The following E2F6 variants were observed in gnomAD, a reference collection of about 807,000 sequenced individuals.
E2F6 encodes E2F transcription factor 6, also known as transcription factor E2F6.
In E2F6, 19 loss-of-function variants were observed where a neutral mutation model predicts 31.5. The observed-to-expected ratio is 0.60, with a 90% CI of 0.42 to 0.89. E2F6 has a LOEUF of 0.89. E2F6 is among the 40% of genes least tolerant of loss of function. The probability of loss-of-function intolerance (pLI) is 0.00; values close to 1 mark genes in which losing one functional copy is unlikely to be tolerated. For synonymous variants in E2F6, 121 were observed against 127.7 expected, an observed-to-expected ratio of 0.95 and a Z score of 0.36; for missense variants, 269 against 341.6, an observed-to-expected ratio of 0.79 and a Z score of 1.67.
chr2:11,464,172 TA>T (rs564569194), intron 1 of E2F6, among the ~76,000 whole-genome samples: 303 of 151,950 alleles, frequency 2.0e-3, no homozygotes, highest in African/African-American at 6.1e-3. Flanking sequence ...GTGCTTAGGA[TA>T]GGGGTCCCCA....
chr2:11,447,492 A>G, intron 6 of E2F6, 135 bp downstream of exon 6: 2 of 928,046 alleles, frequency 2.2e-6, no homozygotes, highest in South Asian at 1.6e-5. Context: ...TCTAAACTAC[A>G]GTAAGAGTTA....
At chr2:11,448,908 T>G (rs1670890020) in intron 5 of E2F6, among the ~76,000 whole-genome samples, 1 of 152,212 alleles carries the variant, frequency 6.6e-6, no homozygotes, top group Non-Finnish European at 1.5e-5. Flanking sequence ...GGATCTGACC[T>G]GAGGGCCAGT....
In E2F6 at chr2:11,446,491, C is replaced by T. The variant is rs778492314; in HGVS notation, c.832G>A (p.Glu278Lys). The T allele has an allele frequency of 6.3e-5, 101 of 1,612,700 alleles. No homozygotes were observed. Among genetic ancestry groups the T allele is most frequent in the Non-Finnish European group, 8.4e-5 (99 of 1,179,216 alleles). The part of the protein sequence containing the change: ...ENPQQSEELL[E>K]VSN ...CTCAAATGCCATCAGTTGCTTACTT[C>T]AAGCAATTCTTCACTTTGCTGAGGA... The change falls in exon 7 of 7, where the codon GAA becomes AAA. Residue 278 changes from glutamate to lysine, a missense_variant. Transcript: ENST00000381525.
chr2:11,450,266 G>T, intron 4 of E2F6, 140 bp from the exon 5 acceptor site: 40 of 344,346 alleles, frequency 1.2e-4, no homozygotes, highest in Middle Eastern at 4.8e-4. Context: ...AAGGAAAGCA[G>T]TAAAAAAAAA....
Position 11,465,794 on chromosome 2 carries a change from G to C in E2F6, c.86C>G (p.Pro29Arg). Residue 29 changes from proline (P) to arginine (R), a missense_variant, in exon 1 of 7, where the codon CCC becomes CGC. Pro to Arg is a moderately radical substitution (Grantham distance 103). Coordinates refer to ENST00000381525, the MANE Select transcript of E2F6 (RefSeq NM_198256.4). ...EETVRRRCRD[P>R]INVEGLLPSK... ...TACCAGCAGGCCCTCCACGTTGATGGGGTCTCGGCACCGACGGCGAACCGT... is the reference window on the plus strand; with the variant it reads ...TACCAGCAGGCCCTCCACGTTGATGCGGTCTCGGCACCGACGGCGAACCGT... The C allele has an allele frequency of 1.2e-6, 2 of 1,600,780 alleles. No individual in the cohort carries two copies. Among genetic ancestry groups the C allele is most frequent in the Non-Finnish European group, 1.7e-6 (2 of 1,174,606 alleles).
chr2:11,457,676 A>G (rs1328580856), intron 1 of E2F6, among the ~76,000 whole-genome samples: 1 of 152,218 alleles, frequency 6.6e-6, no homozygotes, highest in African/African-American at 2.4e-5. Flanking sequence ...TATACTGAAT[A>G]CATCAGGTAC....
chr2:11,462,721 G>A (rs1021992617), intron 1 of E2F6, among the ~76,000 whole-genome samples: 13 of 152,198 alleles, frequency 8.5e-5, no homozygotes, highest in Admixed American at 3.3e-4. Flanking sequence ...AGGGCAGGGC[G>A]CAGTGACAGC....
intron 1 of E2F6, among the ~76,000 whole-genome samples, chr2:11,465,178 C>CAAAAAAAAA (rs59561027): frequency 1.6e-4 from 14 of 88,480 alleles, no homozygotes; most frequent in Admixed American, 2.8e-4. Context: ...AACTCAATCT[C>CAAAAAAAAA]AAAAAAAAAA....
At chr2:11,451,838 C>T (rs1671089081) in intron 3 of E2F6, 32 bp from the exon 4 acceptor site, 1 of 1,587,610 alleles carries the variant, frequency 6.3e-7, no homozygotes, top group Non-Finnish European at 8.6e-7. Flanking sequence ...AGCATCAATA[C>T]CAACTAGGAG....
At position 11,450,107 on chromosome 2, in the gene E2F6, G is replaced by C. The variant is rs575902001; in HGVS notation, c.556C>G (p.Gln186Glu). 6.2e-7 allele frequency: 1 copy of C among 1,612,082 alleles called. No individual in the cohort carries two copies. The highest frequency in any genetic ancestry group is 1.3e-5 in the African/African-American group (1 of 74,964). ...ENERLAYVTY[Q>E]DIHSIQAFHE... ...AAGGCCTGAATGCTATGAATGTCTTGATAGGTCACATATGCTAGTGTAAAA... is the reference window on the plus strand; with the variant it reads ...AAGGCCTGAATGCTATGAATGTCTTCATAGGTCACATATGCTAGTGTAAAA... The change falls in exon 5 of 7, where the codon CAA becomes GAA. Residue 186 changes from glutamine (Q) to glutamate (E), a missense_variant. By Grantham distance (29) the Gln-to-Glu change is conservative. Coordinates refer to ENST00000381525, the MANE Select transcript of E2F6 (RefSeq NM_198256.4).
intron 2 of E2F6, among the ~76,000 whole-genome samples, chr2:11,454,221 C>G (rs1671252885): frequency 6.6e-6 from 1 of 152,138 alleles, no homozygotes; most frequent in South Asian, 2.1e-4. Context: ...GAATTGGCGG[C>G]TTTTTTTCCC....
chr2:11,447,007 G>T (rs1211957183), intron 6 of E2F6, among the ~76,000 whole-genome samples: 1 of 152,222 alleles, frequency 6.6e-6, no homozygotes, highest in Admixed American at 6.5e-5. Context: ...TTCGGATGTC[G>T]GTGGAGCTGT....
chr2:11,457,102 AT>A, intron 2 of E2F6, 76 bp downstream of exon 2: 1 of 1,130,676 alleles, frequency 8.8e-7, no homozygotes, highest in Non-Finnish European at 1.3e-6. Context: ...TCATCAACTC[AT>A]ACACTTAAAC....
intron 2 of E2F6, among the ~76,000 whole-genome samples, chr2:11,455,105 TGTGGGTTC>T (rs1175165157): frequency 6.6e-6 from 1 of 152,204 alleles, no homozygotes; most frequent in Non-Finnish European, 1.5e-5. Flanking sequence ...CTCTGCAGGT[TGTGGGTTC>T]TATCCATTCT....
At chr2:11,458,496 T>C (rs1671554191) in intron 1 of E2F6, 1 of 758,146 alleles carries the variant, frequency 1.3e-6, no homozygotes, top group Admixed American at 2.2e-5. Context: ...GAGGGCATGC[T>C]GGCACCACAT....
chr2:11,447,797 T>G, intron 5 of E2F6, 23 bp from the exon 6 acceptor site: 1 of 1,592,826 alleles, frequency 6.3e-7, no homozygotes, highest in Non-Finnish European at 8.5e-7. Context: ...ACAGGAATCG[T>G]CAAGATGAAT....
At chr2:11,458,295 C>T (rs530164122) in intron 1 of E2F6, 12 of 1,551,710 alleles carry the variant, frequency 7.7e-6, no homozygotes, top group East Asian at 4.9e-5. Context: ...GGATTCATGG[C>T]GAAGGCAGCC....
At chr2:11,461,846 G>C (rs533024675) in intron 1 of E2F6, among the ~76,000 whole-genome samples, 1 of 152,144 alleles carries the variant, frequency 6.6e-6, no homozygotes, top group Non-Finnish European at 1.5e-5. Context: ...TCATCACTTT[G>C]TCCAAAGACA....
At chr2:11,464,930 C>T (rs1402015618) in intron 1 of E2F6, among the ~76,000 whole-genome samples, 2 of 151,812 alleles carry the variant, frequency 1.3e-5, no homozygotes, top group African/African-American at 2.4e-5. Context: ...ATTGAAAATA[C>T]GGGGAGAGGT....
Sources: allele counts gnomAD v4.1 joint callset (sites outside exome capture counted in the v4.1 genomes callset), GRCh38; gene constraint gnomAD v4.1.1; transcripts MANE v1.5; gene names NCBI Gene and HGNC (gene_info 2026-07-23, HGNC 2026-07-21).